TENM2: variants seen among roughly 807,000 people sequenced by gnomAD.
The protein encoded by TENM2 is teneurin-2.
In TENM2, 52 loss-of-function variants were observed where a neutral mutation model predicts 245.2. The ratio of observed to expected loss-of-function variants is 0.21; its 90% confidence interval spans 0.17 to 0.27. The LOEUF is 0.27. TENM2 is among the 10% of genes least tolerant of loss of function. The pLI, the probability that TENM2 is intolerant of heterozygous loss-of-function variation, is 1.00. For synonymous variants in TENM2, 1,363 were observed against 1,438.9 expected, an observed-to-expected ratio of 0.95 and a Z score of 1.19; for missense variants, 3,046 against 3,666.8, an observed-to-expected ratio of 0.83 and a Z score of 4.37.
chr5:167,031,494 A>C, the TENM2 span, among the ~76,000 whole-genome samples: 1 of 152,214 alleles, frequency 6.6e-6, no homozygotes, highest in African/African-American at 2.4e-5. Flanking sequence ...CAATTATAAC[A>C]AGAGCAAAAT....
intron 2 of TENM2, among the ~76,000 whole-genome samples, chr5:167,655,696 TTCTG>T (rs1227896881): frequency 7.2e-5 from 11 of 152,320 alleles, no homozygotes; most frequent in East Asian, 3.9e-4. Context: ...TATTTGGTCT[TTCTG>T]TATGTTAATT....
At chr5:167,335,458 A>G (rs909279275) in intron 1 of TENM2, among the ~76,000 whole-genome samples, 1 of 152,174 alleles carries the variant, frequency 6.6e-6, no homozygotes, top group African/African-American at 2.4e-5. Context: ...CTAGCAACCT[A>G]TGGCTTCGTG....
chr5:167,073,929 T>G, the TENM2 span, among the ~76,000 whole-genome samples: 3 of 152,216 alleles, frequency 2.0e-5, no homozygotes, highest in Admixed American at 6.5e-5. Context: ...TATTTCGACG[T>G]CATCTGGCCC....
At chr5:167,304,202 C>T (rs528660039) in intron 1 of TENM2, among the ~76,000 whole-genome samples, 2 of 152,320 alleles carry the variant, frequency 1.3e-5, no homozygotes, top group Admixed American at 6.5e-5. Context: ...AATGCTTCTT[C>T]CCCTCATCCT....
At chr5:167,272,233 T>G in the TENM2 span, among the ~76,000 whole-genome samples, 1 of 152,204 alleles carries the variant, frequency 6.6e-6, no homozygotes, top group Non-Finnish European at 1.5e-5. Context: ...AATGAACCAC[T>G]TTTATGCAAA....
intron 2 of TENM2, among the ~76,000 whole-genome samples, chr5:167,830,153 A>G (rs1768340643): frequency 1.3e-5 from 2 of 152,312 alleles, no homozygotes; most frequent in East Asian, 1.9e-4. Flanking sequence ...CTATCATCAG[A>G]TGGGCAGATG....
intron 5 of TENM2, among the ~76,000 whole-genome samples, chr5:168,015,800 G>A (rs1191550686): frequency 1.3e-5 from 2 of 152,204 alleles, no homozygotes; most frequent in Non-Finnish European, 2.9e-5. Flanking sequence ...AGAAGGGAAG[G>A]CAGAATGATA....
chr5:167,222,409 A>T, the TENM2 span, among the ~76,000 whole-genome samples: 1 of 152,214 alleles, frequency 6.6e-6, no homozygotes, highest in Non-Finnish European at 1.5e-5. Context: ...TGCATTGCAC[A>T]GTTTTGGTTC....
intron 1 of TENM2, among the ~76,000 whole-genome samples, chr5:167,285,355 T>C (rs1040122611): frequency 1.3e-5 from 2 of 152,216 alleles, no homozygotes; most frequent in Non-Finnish European, 2.9e-5. Context: ...GAACAAATGG[T>C]GTATCTTGGT....
At chr5:167,625,163 A>G (rs1677085970) in intron 2 of TENM2, among the ~76,000 whole-genome samples, 1 of 152,188 alleles carries the variant, frequency 6.6e-6, no homozygotes, top group Non-Finnish European at 1.5e-5. Flanking sequence ...ATATATTCTC[A>G]TCGTAGCAAC....
intron 7 of TENM2, among the ~76,000 whole-genome samples, chr5:168,080,275 T>C (rs550050393): frequency 6.6e-6 from 1 of 152,342 alleles, no homozygotes; most frequent in Admixed American, 6.5e-5. Flanking sequence ...TCGATGGTGA[T>C]ATCCCCTTTA....
chr5:167,620,434 C>T (rs1778084421), intron 2 of TENM2, among the ~76,000 whole-genome samples: 1 of 151,628 alleles, frequency 6.6e-6, no homozygotes, highest in Non-Finnish European at 1.5e-5. Context: ...GTTCTTGGCT[C>T]CTTTTTATTT....
At chr5:168,206,588 C>T (rs953824601) in intron 19 of TENM2, among the ~76,000 whole-genome samples, 2 of 152,190 alleles carry the variant, frequency 1.3e-5, no homozygotes, top group African/African-American at 4.8e-5. Flanking sequence ...GAAGGACACA[C>T]GTGGGAAGAG....
At chr5:167,746,326 A>G (rs1761556947) in intron 2 of TENM2, among the ~76,000 whole-genome samples, 1 of 152,188 alleles carries the variant, frequency 6.6e-6, no homozygotes, top group African/African-American at 2.4e-5. Context: ...TCATGTACAA[A>G]TATTCTCTTC....
intron 2 of TENM2, among the ~76,000 whole-genome samples, chr5:167,816,526 G>A (rs1307192914): frequency 2.0e-5 from 3 of 152,170 alleles, no homozygotes; most frequent in Non-Finnish European, 4.4e-5. Flanking sequence ...TGCCCCTGTG[G>A]AAACAGGAAG....
chr5:167,193,984 A>T, the TENM2 span, among the ~76,000 whole-genome samples: 1 of 151,950 alleles, frequency 6.6e-6, no homozygotes, highest in South Asian at 2.1e-4. Flanking sequence ...TTTGCCCGAG[A>T]TTACTGGCAA....
chr5:167,789,755 G>C (rs1419393326), intron 2 of TENM2, among the ~76,000 whole-genome samples: 1 of 152,168 alleles, frequency 6.6e-6, no homozygotes, highest in Non-Finnish European at 1.5e-5. Context: ...AAGTAGTTAA[G>C]AATATGCTGT....
chr5:167,303,385 G>GA (rs1755475400), intron 1 of TENM2: 1 of 144,014 alleles, frequency 6.9e-6, no homozygotes, highest in African/African-American at 2.8e-5. Flanking sequence ...CAAAGGGAGG[G>GA]GTGAGGCCGT....
intron 2 of TENM2, among the ~76,000 whole-genome samples, chr5:167,416,946 G>A (rs931214152): frequency 1.3e-5 from 2 of 152,034 alleles, no homozygotes; most frequent in Admixed American, 1.3e-4. Context: ...TGATTACATA[G>A]ATTGTTTCGT....
Sources: allele counts gnomAD v4.1 joint callset (sites outside exome capture counted in the v4.1 genomes callset), GRCh38; gene constraint gnomAD v4.1.1; transcripts MANE v1.5; gene names NCBI Gene and HGNC (gene_info 2026-07-23, HGNC 2026-07-21).